The following JAKMIP3 variants were observed in gnomAD, a reference collection of about 807,000 sequenced individuals.
JAKMIP3 encodes the protein Janus kinase and microtubule interacting protein 3.
In JAKMIP3, 58 loss-of-function variants were observed where a neutral mutation model predicts 118.5. That is an observed-to-expected ratio of 0.49 (90% confidence interval 0.40 to 0.61). The LOEUF is 0.61. Among genes scored for constraint, JAKMIP3 ranks in the 20% least tolerant of loss-of-function variants. JAKMIP3 has a pLI of 0.00. For synonymous variants in JAKMIP3, 486 were observed against 451.2 expected (o/e 1.08, Z -0.98); for missense variants, 950 against 1,109.0 (o/e 0.86, Z 2.04).
At chr10:132,139,238 A>ATG (rs2052684303) in intron 9 of JAKMIP3, among the ~76,000 whole-genome samples, 1 of 89,966 alleles carries the variant, frequency 1.1e-5, no homozygotes, top group Admixed American at 1.0e-4. Flanking sequence ...GTGTATATGC[A>ATG]TCTGTGTGTG....
intron 1 of JAKMIP3, among the ~76,000 whole-genome samples, chr10:132,041,864 CTTTTCTTTT>C (rs2133762291): frequency 6.6e-6 from 1 of 151,556 alleles, no homozygotes; most frequent in African/African-American, 2.4e-5. Context: ...TTTTTTCTTT[CTTTTCTTTT>C]TTTTTTCTTT....
intron 2 of JAKMIP3, 100 bp from the exon 3 acceptor site, chr10:132,116,977 G>C (rs1355157457): frequency 7.5e-7 from 1 of 1,336,026 alleles, no homozygotes; most frequent in Non-Finnish European, 1.0e-6. Flanking sequence ...ATTCAGGTGT[G>C]AGTGTGTGCA....
At chr10:132,070,432 G>C (rs1367046730) in intron 1 of JAKMIP3, among the ~76,000 whole-genome samples, 1 of 152,182 alleles carries the variant, frequency 6.6e-6, no homozygotes, top group Non-Finnish European at 1.5e-5. Flanking sequence ...ACAGGCGTGA[G>C]CCACCGCGCC....
intron 1 of JAKMIP3, among the ~76,000 whole-genome samples, 119 bp downstream of exon 1, chr10:132,066,180 A>C (rs1272454240): frequency 6.6e-6 from 1 of 152,184 alleles, no homozygotes; most frequent in African/African-American, 2.4e-5. Flanking sequence ...ATGTGGCTGG[A>C]AAGTTGACAG....
chr10:132,048,540 A>G (rs1371088635), intron 1 of JAKMIP3, among the ~76,000 whole-genome samples: 2 of 152,026 alleles, frequency 1.3e-5, no homozygotes, highest in African/African-American at 4.8e-5. Flanking sequence ...GAGCTTCAGG[A>G]GCTCCTGGCT....
chr10:132,156,175 G>A (rs1255901913), intron 19 of JAKMIP3, among the ~76,000 whole-genome samples: 2 of 152,156 alleles, frequency 1.3e-5, no homozygotes, highest in East Asian at 1.9e-4. Flanking sequence ...TTGCTGAGGC[G>A]ACAGGTCCTG....
chr10:132,119,295 G>A (rs1456569678), intron 3 of JAKMIP3, among the ~76,000 whole-genome samples: 1 of 152,046 alleles, frequency 6.6e-6, no homozygotes, highest in East Asian at 1.9e-4. Flanking sequence ...CAACAGCATC[G>A]TGTTATGATC....
At position 132,049,973 on chromosome 10, in the gene JAKMIP3, G is replaced by A. The variant is rs1014167745; in HGVS notation, c.-138+13235G>A. 2.6e-5 allele frequency among the ~76,000 whole-genome samples: 4 copies of A among 152,164 alleles called. No homozygotes were observed. The highest frequency in any genetic ancestry group is 3.9e-4 in the East Asian group (2 of 5,182). On this transcript the variant is annotated intron_variant, in intron 1 of 23. Coordinates refer to the JAKMIP3 transcript ENST00000657785. This position sits in a 1 kb window ranked among gnomAD's most constrained non-coding sequence, Gnocchi z 4.3. ...CATTTTAGTGAGGTTTTTTTGTTTC[G>A]TTTTGATGATGGAGGTTTGTGAATA...
chr10:132,087,537 A>T (rs2042554229), intron 1 of JAKMIP3, among the ~76,000 whole-genome samples: 1 of 151,972 alleles, frequency 6.6e-6, no homozygotes, highest in South Asian at 2.1e-4. Context: ...GACTTCTTGG[A>T]GGCTTTGTTC....
At position 132,117,358 on chromosome 10, in the gene JAKMIP3, C is replaced by T. The variant is rs906682620; in HGVS notation, c.417C>T (p.Ala139=). The change falls in exon 3 of 24, where the codon GCC becomes GCT. Residue 139 remains alanine (A), a synonymous_variant. Transcript: ENST00000684848. The surrounding 1 kb of genome is among the most constrained non-coding windows in gnomAD (Gnocchi z 8.6). The part of the protein sequence containing the change: ...EKVKTVLLSE[A]KEEAKKGFEV... ...TCAAGACCGTGCTGCTGTCCGAGGC[C>T]AAGGAGGAGGCCAAGAAGGGGTTCG... 3.1e-6 allele frequency: 5 copies of T among 1,613,924 alleles called. No homozygotes were observed. The highest frequency in any genetic ancestry group is 4.2e-6 in the Non-Finnish European group (5 of 1,179,890).
intron 3 of JAKMIP3, among the ~76,000 whole-genome samples, chr10:132,125,330 G>A (rs112835795): frequency 0.017 from 2,630 of 152,358 alleles, 66 homozygotes; most frequent in African/African-American, 0.059. Flanking sequence ...TGAAATGACC[G>A]TCCTTTCCCC....
chr10:132,065,792 G>A (rs1038421336), upstream of JAKMIP3, among the ~76,000 whole-genome samples: 2 of 152,106 alleles, frequency 1.3e-5, no homozygotes, highest in African/African-American at 4.8e-5. The surrounding 1 kb of genome is among the most constrained non-coding windows in gnomAD (Gnocchi z 5.6). Context: ...GGATGCCTCT[G>A]TGCTTGGCCT....
At chr10:132,178,105 T>C (rs2060359912) in intron 23 of JAKMIP3, among the ~76,000 whole-genome samples, 1 of 152,256 alleles carries the variant, frequency 6.6e-6, no homozygotes, top group Admixed American at 6.5e-5. Context: ...TCAAAGTGGC[T>C]TCTGCCTTTA....
At position 132,090,261 on chromosome 10, in the gene JAKMIP3, A is replaced by T. The variant is rs184749913; in HGVS notation, c.-137-14411A>T. ...GGGAGGATTCCCTCTTTTTCTGTTG[A>T]TTGGAATAGTTTCGGAAAGAATGGT... On this transcript the variant is annotated intron_variant, in intron 1 of 23. Transcript: ENST00000684848. 4.2e-3 allele frequency among the ~76,000 whole-genome samples: 639 copies of T among 152,250 alleles called. 12 individuals are homozygous for T. The highest frequency in any genetic ancestry group is 1.5e-3 in the Non-Finnish European group (101 of 68,012).
rs2061693851 is a variant in JAKMIP3, at chr10:132,184,392, T to G, written c.*3139T>G. On this transcript the variant is annotated 3_prime_UTR_variant, in exon 24 of 24. Coordinates refer to ENST00000684848, the MANE Select transcript of JAKMIP3 (RefSeq NM_001323087.2). ...CACTGACGCATTCGCCAACTCACCG[T>G]CATCCCATCCTTGAAACCCTGAGAG... is the stretch of plus-strand genomic sequence containing the variant. 6.6e-6 allele frequency: 1 copy of G among 152,244 alleles called. No homozygotes were observed. The highest frequency in any genetic ancestry group is 2.4e-5 in the African/African-American group (1 of 41,476). 9.4% of individuals were successfully genotyped at this position (152,244 alleles called of 1,614,324 possible).
At chr10:132,080,956 G>T (rs1048612764) in intron 1 of JAKMIP3, among the ~76,000 whole-genome samples, 1 of 152,108 alleles carries the variant, frequency 6.6e-6, no homozygotes, top group African/African-American at 2.4e-5. Flanking sequence ...TTTTAATTTT[G>T]CCATAGTCCA....
chr10:132,146,987 T>C (rs557055366), intron 13 of JAKMIP3, among the ~76,000 whole-genome samples: 1 of 152,198 alleles, frequency 6.6e-6, no homozygotes, highest in East Asian at 1.9e-4. Context: ...AATGCTGGCA[T>C]GTACACTTGA....
rs757577685 is a variant in JAKMIP3, at chr10:132,117,383, G to A, written c.442G>A (p.Glu148Lys). ...CAAGGAGGAGGCCAAGAAGGGGTTC[G>A]AGGTGGAGAAGGTCAAGATGCAGCA... The part of the protein sequence containing the change: ...EAKEEAKKGF[E>K]VEKVKMQQEI... The change falls in exon 3 of 24, where the codon GAG (glutamate) becomes AAG (lysine). Residue 148 changes from glutamate to lysine, a missense_variant. Physicochemically the swap from Glu to Lys is moderately conservative, Grantham distance 56. Transcript: ENST00000684848. This position sits in a 1 kb window ranked among gnomAD's most constrained non-coding sequence, Gnocchi z 8.6. The A allele has an allele frequency of 7.4e-6, 12 of 1,613,842 alleles. No individual in the cohort carries two copies. Among genetic ancestry groups the A allele is most frequent in the African/African-American group, 2.7e-5 (2 of 74,904 alleles).
intron 16 of JAKMIP3, among the ~76,000 whole-genome samples, chr10:132,152,579 C>T (rs1027767326): frequency 6.6e-6 from 1 of 152,340 alleles, no homozygotes; most frequent in African/African-American, 2.4e-5. Flanking sequence ...ACCACAGGTG[C>T]ATATGCAGAG....
Sources: gnomAD v4.1 joint callset for allele counts (sites outside exome capture counted in the v4.1 genomes callset) on GRCh38, gnomAD v4.1.1 for gene constraint, Gnocchi (gnomAD v3.1) non-coding constraint, MANE v1.5 for transcripts, NCBI Gene and HGNC (gene_info 2026-07-23, HGNC 2026-07-21) for gene names.